Variants in RNGTT observed in about 807,000 individuals in gnomAD.
The protein encoded by RNGTT is mRNA-capping enzyme.
RNGTT carries 33 observed loss-of-function variants against 79.3 expected under a neutral mutation model. That is an observed-to-expected ratio of 0.42 (90% CI 0.32 to 0.56). RNGTT has a LOEUF of 0.56. Ranked by LOEUF, RNGTT falls within the 20% of genes least tolerant of loss-of-function variation. The probability of loss-of-function intolerance (pLI) is 0.17; values close to 1 mark genes in which losing one functional copy is unlikely to be tolerated. For synonymous variants in RNGTT, 222 were observed against 235.9 expected (o/e 0.94, Z 0.54); for missense variants, 497 against 739.1 (o/e 0.67, Z 3.80).
chr6:88,894,689 G>A (rs779878251), intron 6 of RNGTT, among the ~76,000 whole-genome samples: 1 of 152,104 alleles, frequency 6.6e-6, no homozygotes, highest in Non-Finnish European at 1.5e-5. Flanking sequence ...TACCTTCATT[G>A]TTATGTATGA....
At chr6:88,922,844 T>C (rs1029954322) in intron 4 of RNGTT, among the ~76,000 whole-genome samples, 1 of 152,212 alleles carries the variant, frequency 6.6e-6, no homozygotes, top group African/African-American at 2.4e-5. Flanking sequence ...ACCTACAAAC[T>C]GCATTTTTTG....
At chr6:88,682,458 A>C (rs1775125628) in intron 13 of RNGTT, among the ~76,000 whole-genome samples, 1 of 152,228 alleles carries the variant, frequency 6.6e-6, no homozygotes, top group Non-Finnish European at 1.5e-5. Context: ...TGAATATAGG[A>C]TCAGTAGTGC....
chr6:88,877,514 G>A (rs1236878217), intron 8 of RNGTT, among the ~76,000 whole-genome samples: 2 of 152,044 alleles, frequency 1.3e-5, no homozygotes, highest in Non-Finnish European at 2.9e-5. Flanking sequence ...TTTAATAAAA[G>A]TTTCCTATGA....
At chr6:88,926,759 A>C (rs1412499497) in intron 4 of RNGTT, among the ~76,000 whole-genome samples, 1 of 152,250 alleles carries the variant, frequency 6.6e-6, no homozygotes, top group Non-Finnish European at 1.5e-5. Flanking sequence ...GTTTAAGGGC[A>C]TAACAATACT....
intron 11 of RNGTT, among the ~76,000 whole-genome samples, chr6:88,805,039 G>C (rs1158429968): frequency 1.3e-5 from 2 of 152,098 alleles, no homozygotes; most frequent in Non-Finnish European, 2.9e-5. Flanking sequence ...ATTCATTTAC[G>C]ATGTGAAAAA....
chr6:88,771,333 A>ATATATATATG (rs1778667233), intron 12 of RNGTT, among the ~76,000 whole-genome samples: 3 of 127,878 alleles, frequency 2.3e-5, no homozygotes, highest in Admixed American at 7.7e-5. Context: ...ATATATATAT[A>ATATATATATG]TATATATATA....
chr6:88,944,527 C>CA (rs1784945875), intron 1 of RNGTT, among the ~76,000 whole-genome samples: 1 of 152,052 alleles, frequency 6.6e-6, no homozygotes, highest in African/African-American at 2.4e-5. Context: ...CAAGGGCCAC[C>CA]AATCAATCCT....
intron 13 of RNGTT, among the ~76,000 whole-genome samples, chr6:88,704,947 T>C (rs1776081318): frequency 6.6e-6 from 1 of 151,952 alleles, no homozygotes; most frequent in Non-Finnish European, 1.5e-5. Context: ...TGGGAGCTCA[T>C]CATCTTAAAG....
At chr6:88,829,325 TGAGA>T (rs1780772813) in intron 11 of RNGTT, among the ~76,000 whole-genome samples, 1 of 152,126 alleles carries the variant, frequency 6.6e-6, no homozygotes, top group Admixed American at 6.5e-5. Flanking sequence ...AAGCAAATGC[TGAGA>T]GATTTTGTCA....
chr6:88,956,160 C>T (rs1323520785), intron 1 of RNGTT, among the ~76,000 whole-genome samples: 3 of 141,368 alleles, frequency 2.1e-5, no homozygotes, highest in Non-Finnish European at 3.1e-5. Flanking sequence ...AGAAACAAAA[C>T]AGGAGATATT....
intron 12 of RNGTT, among the ~76,000 whole-genome samples, chr6:88,790,074 A>G (rs570970960): frequency 2.0e-5 from 3 of 152,378 alleles, no homozygotes; most frequent in Admixed American, 2.0e-4. Context: ...AAACAAAAAT[A>G]GGAGACTGAC....
intron 2 of RNGTT, among the ~76,000 whole-genome samples, chr6:88,940,821 G>A (rs1213926571): frequency 6.6e-6 from 1 of 152,022 alleles, no homozygotes; most frequent in Non-Finnish European, 1.5e-5. Context: ...AAGTAAATAA[G>A]ATCTGCAATC....
chr6:88,805,677 C>T (rs1779930647), intron 11 of RNGTT, among the ~76,000 whole-genome samples: 1 of 152,144 alleles, frequency 6.6e-6, no homozygotes, highest in African/African-American at 2.4e-5. Flanking sequence ...GATTCAGGTG[C>T]TCAGGTTCTG....
chr6:88,822,959 C>T (rs188026164), intron 11 of RNGTT, among the ~76,000 whole-genome samples: 2 of 152,266 alleles, frequency 1.3e-5, no homozygotes, highest in East Asian at 3.9e-4. Context: ...TACACCCAAA[C>T]ATAAAAACTA....
intron 4 of RNGTT, among the ~76,000 whole-genome samples, chr6:88,916,005 A>G (rs569633389): frequency 5.3e-5 from 8 of 152,376 alleles, no homozygotes; most frequent in South Asian, 2.1e-4. Flanking sequence ...CACGAAGCAC[A>G]TAAGTTGCTT....
chr6:88,911,233 GC>G (rs1783822572), intron 4 of RNGTT, among the ~76,000 whole-genome samples: 1 of 152,154 alleles, frequency 6.6e-6, no homozygotes, highest in Non-Finnish European at 1.5e-5. Context: ...CCATCCTTCT[GC>G]TATCTTCAGG....
chr6:88,942,008 C>T (rs947405166), intron 1 of RNGTT, among the ~76,000 whole-genome samples: 7 of 151,742 alleles, frequency 4.6e-5, no homozygotes, highest in African/African-American at 1.5e-4. Flanking sequence ...GGGGGGAGCA[C>T]GTTGTCAGGT....
At position 88,695,472 on chromosome 6, in the gene RNGTT, C is replaced by T. The variant is rs193063232; in HGVS notation, c.1440-17053G>A. Among the ~76,000 whole-genome samples, 295 of 152,234 alleles carry T rather than the reference C, an allele frequency of 1.9e-3. 4 individuals carry two copies. Among genetic ancestry groups the T allele is most frequent in the African/African-American group, 7.0e-3 (289 of 41,538 alleles). On this transcript the variant is annotated intron_variant, in intron 13 of 15. Transcript: ENST00000369485. ...AATCACAATGAGATACCACCTCATA[C>T]CTACCACCACATTTTCAAAATGACA... is the stretch of plus-strand genomic sequence containing the variant.
chr6:88,709,132 AC>A (rs1425200185), intron 13 of RNGTT, among the ~76,000 whole-genome samples: 2 of 151,928 alleles, frequency 1.3e-5, no homozygotes. Context: ...ACATGGTGAA[AC>A]CCTGTCTCTA....
Sources: allele counts gnomAD v4.1 joint callset (sites outside exome capture counted in the v4.1 genomes callset), GRCh38; gene constraint gnomAD v4.1.1; transcripts MANE v1.5; gene names NCBI Gene and HGNC (gene_info 2026-07-23, HGNC 2026-07-21).